The following ITPR1 variants were observed in gnomAD, a reference collection of about 807,000 sequenced individuals.
ITPR1 encodes inositol 1,4,5-trisphosphate receptor type 1.
In ITPR1, 96 loss-of-function variants were observed where a neutral mutation model predicts 318.4. The observed-to-expected ratio is 0.30, with a 90% CI of 0.26 to 0.36. The LOEUF is 0.36. Among genes scored for constraint, ITPR1 ranks in the 10% least tolerant of loss-of-function variants. The pLI, the probability that ITPR1 is intolerant of heterozygous loss-of-function variation, is 1.00. For missense variants in ITPR1, 2,440 were observed against 3,460.2 expected, an observed-to-expected ratio of 0.71 and a Z score of 7.40; for synonymous variants, 1,312 against 1,289.9, an observed-to-expected ratio of 1.02 and a Z score of -0.37.
At chr3:4,638,926 G>T (rs1258252204) in intron 5 of ITPR1, among the ~76,000 whole-genome samples, 3 of 152,104 alleles carry the variant, frequency 2.0e-5, no homozygotes, top group Non-Finnish European at 4.4e-5. Flanking sequence ...CAAAGGAGGA[G>T]ACCCAGGCTC....
chr3:4,564,775 A>AT (rs542209364), intron 4 of ITPR1, among the ~76,000 whole-genome samples: 41 of 152,180 alleles, frequency 2.7e-4, no homozygotes, highest in African/African-American at 8.9e-4. Flanking sequence ...AATTTATGAT[A>AT]TTTTTTTAAG....
chr3:4,604,654 G>A (rs1171424654), intron 4 of ITPR1, among the ~76,000 whole-genome samples: 1 of 152,036 alleles, frequency 6.6e-6, no homozygotes. Flanking sequence ...ATGAACTGGT[G>A]TGGGGTCATC....
At chr3:4,754,350 T>A (rs1458380709) in intron 44 of ITPR1, among the ~76,000 whole-genome samples, 2 of 152,140 alleles carry the variant, frequency 1.3e-5, no homozygotes, top group African/African-American at 4.8e-5. Flanking sequence ...GACTTGATGA[T>A]AGAATTTTCC....
At chr3:4,840,523 A>T (rs1342895256) in intron 61 of ITPR1, among the ~76,000 whole-genome samples, 2 of 152,206 alleles carry the variant, frequency 1.3e-5, no homozygotes, top group Admixed American at 1.3e-4. Context: ...GACTCGAGCA[A>T]CGATAGCTTA....
intron 45 of ITPR1, 186 bp from the exon 46 acceptor site, chr3:4,768,325 C>A: frequency 1.7e-6 from 1 of 586,158 alleles, no homozygotes; most frequent in East Asian, 2.9e-5. Flanking sequence ...AGTAAGGTGG[C>A]AGGGCCTGGC....
chr3:4,698,809 A>C (rs926694708), intron 34 of ITPR1, among the ~76,000 whole-genome samples: 28 of 152,214 alleles, frequency 1.8e-4, no homozygotes, highest in African/African-American at 6.5e-4. Flanking sequence ...CAGCATAAGC[A>C]ATTTTATCTC....
chr3:4,746,454 G>A (rs145375588), intron 44 of ITPR1, among the ~76,000 whole-genome samples: 4 of 152,330 alleles, frequency 2.6e-5, no homozygotes, highest in African/African-American at 9.6e-5. Flanking sequence ...TTTGCTTCAT[G>A]TGGGACGTGC....
In ITPR1 at chr3:4,711,877, T is replaced by C. The variant is rs761918416; in HGVS notation, c.5103+9T>C. Reference sequence around the variant, plus strand: ...GAGGCTATGGAGAAAAGGTACTGCATTTTATTTTCATGGTCAAACCAGGTT... The same window carrying C: ...GAGGCTATGGAGAAAAGGTACTGCACTTTATTTTCATGGTCAAACCAGGTT... On this transcript the variant is annotated intron_variant, in intron 39 of 61. Transcript: ENST00000649015. 13 of 1,393,548 alleles carry C rather than the reference T, an allele frequency of 9.3e-6. No individual in the cohort carries two copies. In the Middle Eastern group the frequency reaches 7.2e-4, roughly 77 times the overall value. The allele number at this position is 1,393,548 out of a possible 1,614,324, so 86.3% of individuals were successfully genotyped here. A position where few individuals can be genotyped will look rare whatever the true frequency, so the allele number is the denominator to read the frequency against.
intron 4 of ITPR1, among the ~76,000 whole-genome samples, chr3:4,541,787 A>G (rs1469922229): frequency 6.6e-6 from 1 of 151,936 alleles, no homozygotes; most frequent in Non-Finnish European, 1.5e-5. Flanking sequence ...CACCATGCCC[A>G]GCTAATTTTT....
intron 4 of ITPR1, among the ~76,000 whole-genome samples, chr3:4,623,244 GAAGCTCA>G (rs1332396713): frequency 6.6e-6 from 1 of 152,172 alleles, no homozygotes; most frequent in Non-Finnish European, 1.5e-5. Flanking sequence ...TGATACAATG[GAAGCTCA>G]CCTGTGGCCT....
At chr3:4,580,008 A>G (rs2089139680) in intron 4 of ITPR1, among the ~76,000 whole-genome samples, 1 of 152,182 alleles carries the variant, frequency 6.6e-6, no homozygotes. Context: ...CAGGAGATCG[A>G]GACCATCCTG....
At chr3:4,832,187 C>T (rs537718446) in intron 60 of ITPR1, among the ~76,000 whole-genome samples, 7 of 152,318 alleles carry the variant, frequency 4.6e-5, no homozygotes, top group African/African-American at 1.7e-4. Context: ...TCCCTCGTAG[C>T]CCAGCTTTTC....
intron 4 of ITPR1, among the ~76,000 whole-genome samples, chr3:4,585,044 G>A (rs1449030098): frequency 6.6e-6 from 1 of 152,198 alleles, no homozygotes; most frequent in Non-Finnish European, 1.5e-5. Flanking sequence ...GAGAGCTGGT[G>A]AGACCCACCC....
chr3:4,537,070 G>C (rs1187636528), intron 4 of ITPR1, among the ~76,000 whole-genome samples: 1 of 152,192 alleles, frequency 6.6e-6, no homozygotes, highest in Non-Finnish European at 1.5e-5. Context: ...TCCATATCTT[G>C]TGTCTTCTTT....
chr3:4,746,817 C>G (rs1431669936), intron 44 of ITPR1, among the ~76,000 whole-genome samples: 2 of 152,164 alleles, frequency 1.3e-5, no homozygotes, highest in African/African-American at 4.8e-5. Context: ...AACAGCTCAT[C>G]CAAAGCAACT....
chr3:4,558,670 TAAAAG>T (rs2086377428), intron 4 of ITPR1, among the ~76,000 whole-genome samples: 1 of 152,076 alleles, frequency 6.6e-6, no homozygotes, highest in Non-Finnish European at 1.5e-5. Context: ...GACTAGGAAA[TAAAAG>T]AACTATGAAT....
At chr3:4,560,348 T>TG (rs1399227524) in intron 4 of ITPR1, among the ~76,000 whole-genome samples, 1 of 152,110 alleles carries the variant, frequency 6.6e-6, no homozygotes, top group Non-Finnish European at 1.5e-5. Flanking sequence ...GTTGTGTAGA[T>TG]TTTTTAAACA....
intron 4 of ITPR1, among the ~76,000 whole-genome samples, chr3:4,524,300 C>CT (rs1559382913): frequency 5.1e-5 from 3 of 58,336 alleles, no homozygotes; most frequent in Non-Finnish European, 7.7e-5. Context: ...CATACTTTGA[C>CT]GTTTTTTTTT....
intron 44 of ITPR1, among the ~76,000 whole-genome samples, chr3:4,756,077 C>T (rs948467097): frequency 6.6e-6 from 1 of 152,174 alleles, no homozygotes; most frequent in African/African-American, 2.4e-5. Flanking sequence ...GGGTCCAATT[C>T]TGAATGCCCA....
Sources: gnomAD v4.1 joint callset for allele counts (sites outside exome capture counted in the v4.1 genomes callset) on GRCh38, gnomAD v4.1.1 for gene constraint, MANE v1.5 for transcripts, NCBI Gene and HGNC (gene_info 2026-07-23, HGNC 2026-07-21) for gene names.